The following CFAP46 variants were observed in gnomAD, a reference collection of about 807,000 sequenced individuals.
CFAP46 encodes the protein cilia and flagella associated protein 46, also known as cilia- and flagella-associated protein 46.
In CFAP46, 245 loss-of-function variants were observed where a neutral mutation model predicts 325.7. The ratio of observed to expected loss-of-function variants is 0.75; its 90% CI spans 0.68 to 0.84. The LOEUF is 0.84. Among genes scored for constraint, CFAP46 ranks in the 40% least tolerant of loss-of-function variants. CFAP46 has a pLI of 0.00. For missense variants in CFAP46, 3,346 were observed against 3,543.0 expected, an observed-to-expected ratio of 0.94 and a Z score of 1.41; for synonymous variants, 1,523 against 1,495.9, an observed-to-expected ratio of 1.02 and a Z score of -0.42.
At chr10:132,916,412 A>G in intron 17 of CFAP46, 137 bp downstream of exon 17, 2 of 953,746 alleles carry the variant, frequency 2.1e-6, no homozygotes, top group South Asian at 1.9e-5. Context: ...TTACGTGACG[A>G]TGGACACGTC....
At chr10:132,860,070 A>G (rs1237148176) in intron 37 of CFAP46, among the ~76,000 whole-genome samples, 4 of 152,192 alleles carry the variant, frequency 2.6e-5, no homozygotes, top group African/African-American at 9.7e-5. Context: ...TGCCTGCCGC[A>G]AGGGTTTTGT....
intron 50 of CFAP46, 35 bp from the exon 51 acceptor site, chr10:132,814,949 C>T: frequency 1.2e-6 from 2 of 1,606,734 alleles, no homozygotes; most frequent in Non-Finnish European, 1.7e-6. Context: ...GGATGTTTGG[C>T]AGCAGCTCGA....
chr10:132,889,410 T>C lies in CFAP46; in HGVS notation c.3304+2923A>G, dbSNP rs530791603. 6.6e-6 allele frequency among the ~76,000 whole-genome samples: 1 copy of C among 152,356 alleles called. No homozygotes were observed. The highest frequency in any genetic ancestry group is 1.9e-4 in the East Asian group (1 of 5,190). ...GATGCTGGGATCTGTGGGCTCACTG[T>C]GGCCTTCACACTCTGCCAGGCCCTC... On this transcript the variant is annotated intron_variant, in intron 25 of 57. Coordinates refer to ENST00000368586, the MANE Select transcript of CFAP46 (RefSeq NM_001200049.3). This position sits in a 1 kb window ranked among gnomAD's most constrained non-coding sequence, Gnocchi z 6.0.
intron 50 of CFAP46, among the ~76,000 whole-genome samples, chr10:132,824,336 TGC>T (rs1847982095): frequency 7.6e-6 from 1 of 132,070 alleles, no homozygotes; most frequent in African/African-American, 2.9e-5. Context: ...GCTGTGTGTG[TGC>T]TGTGTGCTGT....
chr10:132,922,274 C>T (rs767777832), intron 12 of CFAP46, 50 bp from the exon 13 acceptor site: 35 of 1,523,878 alleles, frequency 2.3e-5, no homozygotes, highest in Middle Eastern at 1.7e-4. Context: ...CTTTCCACAG[C>T]ACCTTCTCCA....
chr10:132,942,149 G>T (rs955303575), intron 1 of CFAP46, 45 bp from the exon 2 acceptor site: 1 of 1,548,512 alleles, frequency 6.5e-7, no homozygotes, highest in Non-Finnish European at 8.7e-7. Context: ...ACTGGGCTGG[G>T]AGAAGTGAGC....
At position 132,885,131 on chromosome 10, in the gene CFAP46, C is replaced by T. The variant is rs547351880; in HGVS notation, c.3599G>A (p.Cys1200Tyr). The change falls in exon 27 of 58, where the codon TGC (cysteine) becomes TAC (tyrosine). Residue 1200 changes from cysteine (C) to tyrosine (Y), a missense_variant. Transcript: ENST00000368586. ...CAAGGCCTGGATGGCGTTGTTGTAG[C>T]AGGCCAGCTCTCCAGACACGCTCGG... ...NSPSVSGELA[C>Y]YNNAIQALQK... 1.3e-6 allele frequency: 2 copies of T among 1,549,262 alleles called. No individual in the cohort carries two copies. The highest frequency in any genetic ancestry group is 1.8e-4 in the Middle Eastern group (1 of 5,648).
At position 132,939,856 on chromosome 10, in the gene CFAP46, G is replaced by A. The variant is rs767510404; in HGVS notation, c.372-1103C>T. On this transcript the variant is annotated intron_variant, in intron 4 of 57. Coordinates refer to ENST00000368586, the MANE Select transcript of CFAP46 (RefSeq NM_001200049.3). This position sits in a 1 kb window ranked among gnomAD's most constrained non-coding sequence, Gnocchi z 4.6. ...TGTGGCCTCCACATGCCCGTGGTTG[G>A]GCTCACAGTCTCCTGTCCCACTGAC... is the stretch of plus-strand genomic sequence containing the variant. Among the ~76,000 whole-genome samples the A allele has an allele frequency of 2.6e-5, 4 of 152,150 alleles. No homozygotes were observed. The highest frequency in any genetic ancestry group is 4.4e-5 in the Non-Finnish European group (3 of 68,026).
At chr10:132,835,220 C>T (rs1167825025) in intron 47 of CFAP46, 84 bp downstream of exon 47, 5 of 1,550,218 alleles carry the variant, frequency 3.2e-6, no homozygotes, top group Non-Finnish European at 4.4e-6. Context: ...CCCCGCCCCT[C>T]CCCCCACCTC....
intron 19 of CFAP46, among the ~76,000 whole-genome samples, chr10:132,911,573 G>A (rs573841157): frequency 1.6e-3 from 243 of 152,332 alleles, no homozygotes; most frequent in Non-Finnish European, 2.5e-3. Flanking sequence ...TTAGGAAACC[G>A]GCTTTCTCTC....
chr10:132,898,237 C>T (rs968382741), intron 24 of CFAP46, among the ~76,000 whole-genome samples: 2 of 152,208 alleles, frequency 1.3e-5, no homozygotes, highest in East Asian at 3.9e-4. Context: ...GAGCTGCATC[C>T]ACAGACCTGT....
At chr10:132,915,850 C>G (rs1272644816) in intron 17 of CFAP46, among the ~76,000 whole-genome samples, 1 of 152,208 alleles carries the variant, frequency 6.6e-6, no homozygotes, top group African/African-American at 2.4e-5. Flanking sequence ...GCTGATTACC[C>G]AGATCTGATC....
chr10:132,892,493 C>T lies in CFAP46; in HGVS notation c.3220-76G>A, dbSNP rs1022453468. On this transcript the variant is annotated intron_variant, in intron 24 of 57. Coordinates refer to ENST00000368586, the MANE Select transcript of CFAP46 (RefSeq NM_001200049.3). The stretch of plus-strand genomic sequence containing the variant: ...CTTTCACCATGAGATAAGAAACTCC[C>T]CCTCTGAGCTCTGTGTTCCTCTCCT... 8.2e-6 allele frequency: 11 copies of T among 1,335,820 alleles called. No individual in the cohort carries two copies. In the Admixed American group the frequency reaches 1.2e-4, roughly 15 times the overall value. The allele number at this position is 1,335,820 out of a possible 1,614,324, so 82.7% of individuals were successfully genotyped here. A position where few individuals can be genotyped will look rare whatever the true frequency, so the allele number is the denominator to read the frequency against.
Position 132,808,701 on chromosome 10 carries a change from A to T in CFAP46, c.7868T>A (p.Leu2623His). 6.4e-7 allele frequency: 1 copy of T among 1,569,680 alleles called. No individual in the cohort carries two copies. Among genetic ancestry groups the T allele is most frequent in the Non-Finnish European group, 8.6e-7 (1 of 1,157,606 alleles). ...GSAPLPTHPH[L>H]PAPIPSSQLA... ...CTGGGAGCTGGGGATGGGAGCCGGG[A>T]GGTGGGGATGGGTTGGCAGAGGGGC... Residue 2623 changes from leucine to histidine, a missense_variant, in exon 58 of 58, where the codon CTC (leucine) becomes CAC (histidine). Coordinates refer to ENST00000368586, the MANE Select transcript of CFAP46 (RefSeq NM_001200049.3). The surrounding 1 kb of genome is among the most constrained non-coding windows in gnomAD (Gnocchi z 6.8).
chr10:132,844,602 G>A (rs1848404029), intron 44 of CFAP46, among the ~76,000 whole-genome samples: 1 of 152,160 alleles, frequency 6.6e-6, no homozygotes, highest in Non-Finnish European at 1.5e-5. Flanking sequence ...AGGAGTGGTG[G>A]CCCCCATCGT....
rs1848972499 is a variant in CFAP46 at position 132,877,467 on chromosome 10, C to T, written c.4212+414G>A. On this transcript the variant is annotated intron_variant, in intron 30 of 57. Transcript: ENST00000368586. The surrounding 1 kb of genome is among the most constrained non-coding windows in gnomAD (Gnocchi z 5.7). ...GATGAAAAAAACACTTTTCTCACTG[C>T]TCTGGGACCCAGGCCCTGGGCTGTG... Among the ~76,000 whole-genome samples the T allele has an allele frequency of 6.6e-6, 1 of 152,214 alleles. No individual in the cohort carries two copies. Among genetic ancestry groups the T allele is most frequent in the African/African-American group, 2.4e-5 (1 of 41,460 alleles).
At position 132,876,415 on chromosome 10, in the gene CFAP46, G is replaced by T. The variant is rs989596053; in HGVS notation, c.4362+397C>A. Among the ~76,000 whole-genome samples the T allele has an allele frequency of 7.2e-5, 11 of 152,234 alleles. No homozygotes were observed. The highest frequency in any genetic ancestry group is 2.0e-4 in the Admixed American group (3 of 15,286). On this transcript the variant is annotated intron_variant, in intron 31 of 57. Coordinates refer to ENST00000368586, the MANE Select transcript of CFAP46 (RefSeq NM_001200049.3). The surrounding 1 kb of genome is among the most constrained non-coding windows in gnomAD (Gnocchi z 4.1). ...AGGCTGACCGGGATGAGGAAAGAGG[G>T]ATCTTCCCCGGCCCCTTTGGAGGGT...
At position 132,926,427 on chromosome 10, in the gene CFAP46, T is replaced by A. The variant is rs1421360694; in HGVS notation, c.1065+141A>T. On this transcript the variant is annotated intron_variant, in intron 10 of 57. Coordinates refer to ENST00000368586, the MANE Select transcript of CFAP46 (RefSeq NM_001200049.3). Reference sequence around the variant, plus strand: ...CTGGAGGCTGGACTCACACCCGCTGTCACGGGAGCCAGGGCGAGTCTAGCA... The same window carrying A: ...CTGGAGGCTGGACTCACACCCGCTGACACGGGAGCCAGGGCGAGTCTAGCA... 9 of 658,936 alleles carry A rather than the reference T, an allele frequency of 1.4e-5. No homozygotes were observed. The Admixed American group carries it at 2.0e-4, about 15-fold the overall frequency. 40.8% of individuals were successfully genotyped at this position (658,936 alleles called of 1,614,324 possible). A position where few individuals can be genotyped will look rare whatever the true frequency, so the allele number is the denominator to read the frequency against.
rs886955804 is a variant in CFAP46 at position 132,886,174 on chromosome 10, C to T, written c.3305-215G>A. On this transcript the variant is annotated intron_variant, in intron 25 of 57. Transcript: ENST00000368586. This position sits in a 1 kb window ranked among gnomAD's most constrained non-coding sequence, Gnocchi z 5.8. ...CAGTGGCCACCCGGGATGCCCTTTC[C>T]GTTGCAGGAAGCAGCTGTCTTGTCT... Among the ~76,000 whole-genome samples the T allele has an allele frequency of 7.2e-5, 11 of 152,194 alleles. No individual in the cohort carries two copies. The highest frequency in any genetic ancestry group is 2.4e-4 in the African/African-American group (10 of 41,438).
Sources: allele counts gnomAD v4.1 joint callset (sites outside exome capture counted in the v4.1 genomes callset), GRCh38; gene constraint gnomAD v4.1.1; non-coding constraint Gnocchi (gnomAD v3.1); transcripts MANE v1.5; gene names NCBI Gene and HGNC (gene_info 2026-07-23, HGNC 2026-07-21).